GABBR2: variants seen among roughly 807,000 people sequenced by gnomAD.
The protein encoded by GABBR2 is gamma-aminobutyric acid type B receptor subunit 2, also known as G-protein coupled receptor 51.
GABBR2 carries 23 observed loss-of-function variants against 105.6 expected under a neutral mutation model. The observed-to-expected ratio is 0.22, with a 90% CI of 0.16 to 0.31. GABBR2 has a LOEUF of 0.31. Among genes scored for constraint, GABBR2 ranks in the 10% least tolerant of loss-of-function variants. The pLI is 1.00. For missense variants in GABBR2, 734 were observed against 1,245.5 expected (o/e 0.59, Z 6.18); for synonymous variants, 478 against 499.7 (o/e 0.96, Z 0.58).
chr9:98,598,941 T>C (rs1198567500), intron 1 of GABBR2, among the ~76,000 whole-genome samples: 3 of 152,290 alleles, frequency 2.0e-5, no homozygotes, highest in Middle Eastern at 3.4e-3. Context: ...CTTATAGACA[T>C]AAATGGCTCC....
intron 13 of GABBR2, among the ~76,000 whole-genome samples, chr9:98,317,861 A>G (rs1267006878): frequency 1.3e-5 from 2 of 152,196 alleles, no homozygotes; most frequent in Non-Finnish European, 2.9e-5. Flanking sequence ...ATGAATACAA[A>G]CAGTGATAAA....
intron 2 of GABBR2, among the ~76,000 whole-genome samples, chr9:98,562,762 G>A (rs1168853725): frequency 6.6e-6 from 1 of 152,066 alleles, no homozygotes; most frequent in Non-Finnish European, 1.5e-5. Flanking sequence ...TTGGGGGAAA[G>A]GTAGAAACAT....
chr9:98,506,916 C>T (rs1219011403), intron 3 of GABBR2, among the ~76,000 whole-genome samples: 3 of 152,156 alleles, frequency 2.0e-5, no homozygotes, highest in Admixed American at 6.5e-5. Context: ...TATGAAAGTC[C>T]TCCAGAGGGA....
Position 98,306,436 on chromosome 9 carries a change from T to A in GABBR2, c.2005-91A>T. 5.3e-6 allele frequency: 3 copies of A among 569,386 alleles called. No individual in the cohort carries two copies. The highest frequency in any genetic ancestry group is 4.3e-5 in the East Asian group (1 of 23,080). The allele number at this position is 569,386 out of a possible 1,614,324, so 35.3% of individuals were successfully genotyped here. On this transcript the variant is annotated intron_variant, in intron 14 of 18. Transcript: ENST00000259455. The surrounding 1 kb of genome is among the most constrained non-coding windows in gnomAD (Gnocchi z 5.4). ...GAGAAGCTGTGGAGTGGAGGGTTAC[T>A]CAGGAGGTGGGCTGCAGGGAGGGAG...
intron 7 of GABBR2, among the ~76,000 whole-genome samples, chr9:98,423,779 T>C (rs1464547522): frequency 6.6e-6 from 1 of 152,238 alleles, no homozygotes. Context: ...AATTAATTTT[T>C]GTATAAGGTG....
rs773741604 is a variant in GABBR2, at chr9:98,489,537, C to T, written c.732+6876G>A. Among the ~76,000 whole-genome samples the T allele has an allele frequency of 2.6e-4, 40 of 152,328 alleles. 1 individual carries two copies. In the Middle Eastern group the frequency reaches 0.01, roughly 39 times the overall value. The stretch of plus-strand genomic sequence containing the variant: ...TCCTTTGTTATCATTTTAAGATATT[C>T]ATTAAAAGATAGAGAGTTCCATGGC... On this transcript the variant is annotated intron_variant, in intron 4 of 18. Coordinates refer to ENST00000259455, the MANE Select transcript of GABBR2 (RefSeq NM_005458.8).
At chr9:98,556,964 A>G (rs978957087) in intron 2 of GABBR2, among the ~76,000 whole-genome samples, 1 of 152,212 alleles carries the variant, frequency 6.6e-6, no homozygotes, top group African/African-American at 2.4e-5. Context: ...GAATTGCTTA[A>G]GCCTGGGAGG....
chr9:98,406,312 T>G (rs1209685305), intron 7 of GABBR2, among the ~76,000 whole-genome samples, 171 bp from the exon 8 acceptor site: 1 of 152,276 alleles, frequency 6.6e-6, no homozygotes, highest in African/African-American at 2.4e-5. Context: ...TGTTTTTAAA[T>G]TGGTTGTGAC....
At chr9:98,560,217 C>G (rs1232032224) in intron 2 of GABBR2, among the ~76,000 whole-genome samples, 1 of 151,902 alleles carries the variant, frequency 6.6e-6, no homozygotes, top group Non-Finnish European at 1.5e-5. Flanking sequence ...AAAAATCAAC[C>G]CCTAAACAGT....
At chr9:98,496,987 G>A (rs183193209) in intron 3 of GABBR2, among the ~76,000 whole-genome samples, 1 of 152,360 alleles carries the variant, frequency 6.6e-6, no homozygotes, top group African/African-American at 2.4e-5. Flanking sequence ...GATGTTACAC[G>A]TAACTATGTG....
At chr9:98,658,424 A>C (rs199530949) in intron 1 of GABBR2, among the ~76,000 whole-genome samples, 2 of 127,834 alleles carry the variant, frequency 1.6e-5, no homozygotes, top group Admixed American at 1.6e-4. Flanking sequence ...TGAATGAATG[A>C]ATGTATGCTG....
chr9:98,484,160 A>T (rs545163859), intron 4 of GABBR2, among the ~76,000 whole-genome samples: 27 of 152,164 alleles, frequency 1.8e-4, no homozygotes, highest in Admixed American at 1.7e-3. Flanking sequence ...TGACCTCCTG[A>T]CCACCTGCTG....
At chr9:98,650,201 A>G (rs1205892397) in intron 1 of GABBR2, among the ~76,000 whole-genome samples, 1 of 152,202 alleles carries the variant, frequency 6.6e-6, no homozygotes, top group African/African-American at 2.4e-5. Flanking sequence ...TTGTCACTGA[A>G]TAATGCCCTA....
In GABBR2 at chr9:98,394,186, A is replaced by G; in HGVS notation, c.1367T>C (p.Ile456Thr). ...ADTLEIINDT[I>T]RFQGSEPPKD... ...CCCACCTGCCTTACCTTGGAACCTGATGGTGTCATTGATGATCTCCAGTGT... is the reference window on the plus strand; with the variant it reads ...CCCACCTGCCTTACCTTGGAACCTGGTGGTGTCATTGATGATCTCCAGTGT... Residue 456 changes from isoleucine (I) to threonine (T), a missense_variant, in exon 9 of 19, where the codon ATC (isoleucine) becomes ACC (threonine). Ile to Thr is a moderately conservative substitution (Grantham distance 89). This residue lies in a region of GABBR2 where 370 missense variants were observed against 648.9 expected (regional missense o/e 0.57). Transcript: ENST00000259455. 6.2e-7 allele frequency: 1 copy of G among 1,612,654 alleles called. No homozygotes were observed. The highest frequency in any genetic ancestry group is 8.5e-7 in the Non-Finnish European group (1 of 1,178,774).
intron 7 of GABBR2, among the ~76,000 whole-genome samples, chr9:98,427,679 C>T (rs540167330): frequency 3.9e-5 from 6 of 152,026 alleles, no homozygotes; most frequent in African/African-American, 9.6e-5. Context: ...AAAAAGATGC[C>T]GCAGCCTCAG....
intron 7 of GABBR2, among the ~76,000 whole-genome samples, chr9:98,414,901 G>A (rs192771306): frequency 1.9e-3 from 296 of 152,210 alleles, no homozygotes; most frequent in African/African-American, 7.0e-3. Context: ...GGGGACATGA[G>A]ACAGAGGAGC....
intron 11 of GABBR2, among the ~76,000 whole-genome samples, chr9:98,384,571 C>T (rs776513199): frequency 2.6e-5 from 4 of 151,696 alleles, no homozygotes; most frequent in Non-Finnish European, 5.9e-5. Flanking sequence ...GCCTGGGCAA[C>T]AAGAGTGAAA....
chr9:98,660,178 C>T (rs1372326016), intron 1 of GABBR2, among the ~76,000 whole-genome samples: 23 of 152,110 alleles, frequency 1.5e-4, no homozygotes, highest in Admixed American at 1.4e-3. Flanking sequence ...GATGTTTCCA[C>T]TTTTCACTAT....
intron 12 of GABBR2, among the ~76,000 whole-genome samples, chr9:98,366,669 A>C (rs116786842): frequency 0.02 from 3,034 of 152,334 alleles, 44 homozygotes; most frequent in African/African-American, 0.03. Context: ...TTCAGGAGGA[A>C]TACAGCATGG....
Sources: gnomAD v4.1 joint callset for allele counts (sites outside exome capture counted in the v4.1 genomes callset) on GRCh38, gnomAD v4.1.1 for gene constraint, gnomAD v4.1.1 regional missense constraint, Gnocchi (gnomAD v3.1) non-coding constraint, MANE v1.5 for transcripts, NCBI Gene and HGNC (gene_info 2026-07-23, HGNC 2026-07-21) for gene names.